NCR3LG1: variants seen among roughly 807,000 people sequenced by gnomAD.
The protein encoded by NCR3LG1 is natural killer cell cytotoxicity receptor 3 ligand 1, also known as natural cytotoxicity triggering receptor 3 ligand 1.
In NCR3LG1, 35 loss-of-function variants were observed where a neutral mutation model predicts 34.8. The observed-to-expected ratio is 1.01, with a 90% CI of 0.77 to 1.33. The LOEUF (loss-of-function observed/expected upper bound fraction) is 1.33. Ranked by LOEUF, NCR3LG1 falls within the 40% of genes most tolerant of loss-of-function variation. The pLI is 0.00. For synonymous variants in NCR3LG1, 173 were observed against 163.6 expected (o/e 1.06, Z -0.44); for missense variants, 452 against 423.3 (o/e 1.07, Z -0.60).
rs1452941078 is a variant in NCR3LG1, at chr11:17,363,040, C to T, written c.422-3969C>T. The stretch of plus-strand genomic sequence containing the variant: ...GGCACTAGCGATACTCCCACCTCGG[C>T]CTCTGGAATAGCTGGGACCACAGGC... On this transcript the variant is annotated intron_variant, in intron 2 of 4. Coordinates refer to ENST00000338965, the MANE Select transcript of NCR3LG1 (RefSeq NM_001202439.3). 2.0e-5 allele frequency among the ~76,000 whole-genome samples: 3 copies of T among 150,248 alleles called. No homozygotes were observed. The Admixed American group carries it at 2.0e-4, about 10-fold the overall frequency.
In NCR3LG1 at chr11:17,374,862, C is replaced by A. The variant is rs186293610; in HGVS notation, c.*2350C>A. The A allele has an allele frequency of 1.3e-5, 2 of 151,830 alleles. No homozygotes were observed. The highest frequency in any genetic ancestry group is 3.9e-4 in the East Asian group (2 of 5,168). The allele number at this position is 151,830 out of a possible 1,614,324, so 9.4% of individuals were successfully genotyped here. On this transcript the variant is annotated 3_prime_UTR_variant, in exon 5 of 5. Transcript: ENST00000338965. ...AAACAAGCCTTGCTTAAAGCACCAG[C>A]CCCCAGTCTTTCTGTAGGGAAGTCC...
At chr11:17,352,118 G>A in intron 1 of NCR3LG1, 79 bp downstream of exon 1, 1 of 897,662 alleles carries the variant, frequency 1.1e-6, no homozygotes, top group Non-Finnish European at 1.6e-6. Context: ...CTAGCATCCC[G>A]CCAGGGGACC....
rs192931345 is a variant in NCR3LG1 at position 17,363,659 on chromosome 11, C to T, written c.422-3350C>T. Among the ~76,000 whole-genome samples, 224 of 151,614 alleles carry T rather than the reference C, an allele frequency of 1.5e-3. 1 individual carries two copies. The highest frequency in any genetic ancestry group is 5.1e-3 in the African/African-American group (212 of 41,252). On this transcript the variant is annotated intron_variant, in intron 2 of 4. Coordinates refer to ENST00000338965, the MANE Select transcript of NCR3LG1 (RefSeq NM_001202439.3). ...AGGTTGGAGTGCAGTGGTATGATCA[C>T]GGCTCATTGCAGCTTCACCCTAGTG...
intron 4 of NCR3LG1, among the ~76,000 whole-genome samples, chr11:17,371,791 G>T (rs1476494043): frequency 6.6e-6 from 1 of 152,202 alleles, no homozygotes; most frequent in African/African-American, 2.4e-5. Flanking sequence ...AGAGAGCTAG[G>T]ACCTTGTGCA....
At chr11:17,370,742 C>T (rs987361259) in intron 4 of NCR3LG1, among the ~76,000 whole-genome samples, 1 of 152,144 alleles carries the variant, frequency 6.6e-6, no homozygotes, top group African/African-American at 2.4e-5. Flanking sequence ...AACTCCAGCC[C>T]CCGACAGCCC....
chr11:17,364,886 C>T (rs758269000), intron 2 of NCR3LG1, among the ~76,000 whole-genome samples: 30 of 152,304 alleles, frequency 2.0e-4, no homozygotes, highest in Admixed American at 5.9e-4. Context: ...CCACTGAAGG[C>T]ATTCTTCATT....
At chr11:17,366,199 T>C (rs958475540) in intron 2 of NCR3LG1, among the ~76,000 whole-genome samples, 4 of 152,232 alleles carry the variant, frequency 2.6e-5, no homozygotes, top group African/African-American at 9.6e-5. Context: ...CTGGGACCCA[T>C]GATCCTTTTA....
chr11:17,353,573 T>C (rs1953166911), intron 1 of NCR3LG1, among the ~76,000 whole-genome samples: 1 of 151,856 alleles, frequency 6.6e-6, no homozygotes, highest in Admixed American at 6.5e-5. Context: ...CGGCGCCCCC[T>C]CCTCAGGGGC....
intron 1 of NCR3LG1, 42 bp downstream of exon 1, chr11:17,352,081 G>A: frequency 7.3e-7 from 1 of 1,377,820 alleles, no homozygotes; most frequent in Non-Finnish European, 9.7e-7. Flanking sequence ...GGCTCCTGGC[G>A]CCAGAGGGTC....
rs923682964 is a variant in NCR3LG1, at chr11:17,367,138, T to A, written c.551T>A (p.Phe184Tyr). 2 of 1,536,444 alleles carry A rather than the reference T, an allele frequency of 1.3e-6. No individual in the cohort carries two copies. The highest frequency in any genetic ancestry group is 2.4e-5 in the South Asian group (2 of 84,050). The part of the protein sequence containing the change: ...NITWEKQTQK[F>Y]PHPIEISEDV... ...ACATGGGAGAAGCAGACCCAGAAGT[T>A]TCCCCATCCCATAGAGATTTCTGAG... Residue 184 changes from phenylalanine to tyrosine, a missense_variant, in exon 3 of 5, where the codon TTT (phenylalanine) becomes TAT (tyrosine). Coordinates refer to ENST00000338965, the MANE Select transcript of NCR3LG1 (RefSeq NM_001202439.3).
chr11:17,354,737 T>G (rs1953186465), intron 1 of NCR3LG1, among the ~76,000 whole-genome samples: 1 of 152,138 alleles, frequency 6.6e-6, no homozygotes, highest in African/African-American at 2.4e-5. Flanking sequence ...TGTTTTTGCT[T>G]TGATACATAG....
In NCR3LG1 at chr11:17,372,747, A is replaced by G. The variant is rs180797763; in HGVS notation, c.*235A>G. 86 of 482,270 alleles carry G rather than the reference A, an allele frequency of 1.8e-4. No individual in the cohort carries two copies. The highest frequency in any genetic ancestry group is 1.5e-3 in the African/African-American group (79 of 52,192). 29.9% of individuals were successfully genotyped at this position (482,270 alleles called of 1,614,324 possible). A position where few individuals can be genotyped will look rare whatever the true frequency, so the allele number is the denominator to read the frequency against. On this transcript the variant is annotated 3_prime_UTR_variant, in exon 5 of 5. Transcript: ENST00000338965. The stretch of plus-strand genomic sequence containing the variant: ...AGGCAGCAGAAAAATTCAGAGATGA[A>G]CAACATGTCTTCTATAGCCACTCAA...
At chr11:17,353,703 G>A (rs1277917298) in intron 1 of NCR3LG1, among the ~76,000 whole-genome samples, 2 of 118,754 alleles carry the variant, frequency 1.7e-5, no homozygotes, top group African/African-American at 4.1e-5. Context: ...GTGCGGCGGC[G>A]CCCAGTGACG....
Position 17,367,006 on chromosome 11 carries a change from C to G in NCR3LG1, c.422-3C>G. The G allele has an allele frequency of 6.5e-7, 1 of 1,526,768 alleles. No individual in the cohort carries two copies. Among genetic ancestry groups the G allele is most frequent in the Non-Finnish European group, 8.8e-7 (1 of 1,141,220 alleles). The allele number at this position is 1,526,768 out of a possible 1,614,324, so 94.6% of individuals were successfully genotyped here. On this transcript the variant is annotated splice_region_variant and splice_polypyrimidine_tract_variant and intron_variant, in intron 2 of 4. Coordinates refer to ENST00000338965, the MANE Select transcript of NCR3LG1 (RefSeq NM_001202439.3). ...ACTCTGTATGATTTTTTTTCCCTGA[C>G]AGCTTCCCCAGCCAGCAGATTGTTG...
At chr11:17,353,369 A>G (rs1953161662) in intron 1 of NCR3LG1, among the ~76,000 whole-genome samples, 1 of 152,188 alleles carries the variant, frequency 6.6e-6, no homozygotes, top group South Asian at 2.1e-4. Context: ...GGTGAAGTGG[A>G]AAGCCAAAAT....
intron 1 of NCR3LG1, among the ~76,000 whole-genome samples, chr11:17,353,201 G>C (rs113264182): frequency 6.6e-6 from 1 of 152,248 alleles, no homozygotes; most frequent in Non-Finnish European, 1.5e-5. Context: ...TTGAGAAACA[G>C]AAGATACAGC....
intron 1 of NCR3LG1, among the ~76,000 whole-genome samples, chr11:17,354,440 ATCT>A (rs1303625251): frequency 3.3e-5 from 5 of 151,768 alleles, no homozygotes; most frequent in East Asian, 1.9e-4. Flanking sequence ...GTTGATTTAA[ATCT>A]TCTAAATTTA....
intron 4 of NCR3LG1, 91 bp from the exon 5 acceptor site, chr11:17,371,915 G>C (rs1953409517): frequency 1.6e-6 from 1 of 613,286 alleles, no homozygotes; most frequent in South Asian, 2.0e-5. Context: ...AGAGGAGAAG[G>C]GGGACGCCCC....
In NCR3LG1 at chr11:17,372,360, T is replaced by G; in HGVS notation, c.1213T>G (p.Ser405Ala). The G allele has an allele frequency of 1.4e-6, 1 of 703,020 alleles. No homozygotes were observed. The highest frequency in any genetic ancestry group is 2.6e-6 in the Non-Finnish European group (1 of 385,000). 43.5% of individuals were successfully genotyped at this position (703,020 alleles called of 1,614,324 possible). Residue 405 changes from serine (S) to alanine (A), a missense_variant, in exon 5 of 5, where the codon TCT (serine) becomes GCT (alanine). By Grantham distance (99) the Ser-to-Ala change is moderately conservative. Transcript: ENST00000338965. Reference sequence around the variant, plus strand: ...GTCCATAGATGATAATTCCACAAAGTCTGAGAAACAAACCCCTAGGGAACA... The same window carrying G: ...GTCCATAGATGATAATTCCACAAAGGCTGAGAAACAAACCCCTAGGGAACA... Reference protein sequence around the residue: ...GKSIDDNSTKSEKQTPREHSD... With the variant: ...GKSIDDNSTKAEKQTPREHSD...
Sources: allele counts gnomAD v4.1 joint callset (sites outside exome capture counted in the v4.1 genomes callset), GRCh38; gene constraint gnomAD v4.1.1; transcripts MANE v1.5; gene names NCBI Gene and HGNC (gene_info 2026-07-23, HGNC 2026-07-21).